Variants in ZCCHC4 observed in about 807,000 individuals in gnomAD.
ZCCHC4 encodes the protein zinc finger CCHC-type containing 4, also known as rRNA N(6)-adenosine-methyltransferase ZCCHC4.
In ZCCHC4, 54 loss-of-function variants were observed where a neutral mutation model predicts 67.7. The observed-to-expected ratio is 0.80, with a 90% CI of 0.64 to 1.00. The LOEUF is 1.00. ZCCHC4 is among the 50% of genes least tolerant of loss of function. The pLI is 0.00. For synonymous variants in ZCCHC4, 198 were observed against 213.5 expected, an observed-to-expected ratio of 0.93 and a Z score of 0.63; for missense variants, 609 against 617.0, an observed-to-expected ratio of 0.99 and a Z score of 0.14.
At position 25,351,647 on chromosome 4, in the gene ZCCHC4, A is replaced by T; in HGVS notation, c.969A>T (p.Arg323=). The T allele has an allele frequency of 6.2e-7, 1 of 1,612,314 alleles. No homozygotes were observed. Among genetic ancestry groups the T allele is most frequent in the South Asian group, 1.1e-5 (1 of 90,904 alleles). ...TTTTCCCCTATTTTTTTGAATCCCG[A>T]ATTTGTCAGTTTTTTCCAAGCTTCC... ...FWIFPYFFES[R]ICQFFPSFQM... is the part of the protein sequence containing the mutation. Residue 323 remains arginine, a synonymous_variant, in exon 8 of 13, where the codon CGA becomes CGT. Transcript: ENST00000302874.
At chr4:25,365,293 T>C in intron 12 of ZCCHC4, 127 bp downstream of exon 12, 1 of 1,469,106 alleles carries the variant, frequency 6.8e-7, no homozygotes, top group Non-Finnish European at 9.0e-7. Context: ...TATTAAGTAC[T>C]GGCTGCATAG....
chr4:25,339,978 C>T (rs1437505159), intron 5 of ZCCHC4, among the ~76,000 whole-genome samples: 3 of 151,960 alleles, frequency 2.0e-5, no homozygotes, highest in East Asian at 1.9e-4. Context: ...GCACCATTCT[C>T]CTGCCTCAGC....
chr4:25,343,547 C>T (rs188538819), intron 5 of ZCCHC4, among the ~76,000 whole-genome samples: 54 of 152,324 alleles, frequency 3.5e-4, no homozygotes, highest in African/African-American at 1.3e-3. Context: ...TTACATACAT[C>T]ATCTTATTGT....
At chr4:25,323,277 A>G (rs12642624) in intron 3 of ZCCHC4, among the ~76,000 whole-genome samples, 32,612 of 152,046 alleles carry the variant, frequency 0.21, 4,743 homozygotes, top group African/African-American at 0.41. Context: ...ACTTTGTTAC[A>G]GTTCATGTGG....
intron 8 of ZCCHC4, among the ~76,000 whole-genome samples, chr4:25,353,046 T>G (rs1720373058): frequency 6.6e-6 from 1 of 152,238 alleles, no homozygotes. Context: ...GAATTCTGCT[T>G]TCTTCATTAT....
Position 25,369,040 on chromosome 4 carries a change from A to G in ZCCHC4, c.1418A>G (p.Lys473Arg). Residue 473 changes from lysine (K) to arginine (R), a missense_variant, in exon 13 of 13, where the codon AAG becomes AGG. Coordinates refer to ENST00000302874, the MANE Select transcript of ZCCHC4 (RefSeq NM_024936.3). ...ACCTTGTTTTCCAGAGCTGTCAGAAAGCAGAAGCAAAGAAAAAGTAATAAG... is the reference window on the plus strand; with the variant it reads ...ACCTTGTTTTCCAGAGCTGTCAGAAGGCAGAAGCAAAGAAAAAGTAATAAG... Reference protein sequence around the residue: ...TSKRANKAVRKQKQRKSNKMK... With the variant: ...TSKRANKAVRRQKQRKSNKMK... 1 of 1,610,686 alleles carries G rather than the reference A, an allele frequency of 6.2e-7. No individual in the cohort carries two copies. Among genetic ancestry groups the G allele is most frequent in the African/African-American group, 1.3e-5 (1 of 74,736 alleles).
Position 25,345,582 on chromosome 4 carries a change from C to G in ZCCHC4, c.721C>G (p.His241Asp). ...GTTTTATATGGAAGATAGCTTTTGC[C>G]ATTATAATATGTTTAACCATCATTT... ...SQFYMEDSFCHYNMFNHHFFD... is the reference protein window; with the variant it reads ...SQFYMEDSFCDYNMFNHHFFD... The change falls in exon 6 of 13, where the codon CAT becomes GAT. Residue 241 changes from histidine to aspartate, a missense_variant. His to Asp is a moderately conservative substitution (Grantham distance 81). Coordinates refer to ENST00000302874, the MANE Select transcript of ZCCHC4 (RefSeq NM_024936.3). The G allele has an allele frequency of 6.4e-7, 1 of 1,569,246 alleles. No homozygotes were observed. The highest frequency in any genetic ancestry group is 8.7e-7 in the Non-Finnish European group (1 of 1,143,546).
In ZCCHC4 at chr4:25,349,613, T is replaced by C. The variant is rs1481224918; in HGVS notation, c.881T>C (p.Ile294Thr). ...EPLAITFKKL[I>T]AMWKEGQSQD... Reference sequence around the variant, plus strand: ...CTGGCTATTACATTCAAGAAGTTAATTGCTATGTGGAAAGAAGGTCAAAGC... The same window carrying C: ...CTGGCTATTACATTCAAGAAGTTAACTGCTATGTGGAAAGAAGGTCAAAGC... The change falls in exon 7 of 13, where the codon ATT (isoleucine) becomes ACT (threonine). Residue 294 changes from isoleucine to threonine, a missense_variant. Coordinates refer to ENST00000302874, the MANE Select transcript of ZCCHC4 (RefSeq NM_024936.3). 6.2e-7 allele frequency: 1 copy of C among 1,613,974 alleles called. No homozygotes were observed. Among genetic ancestry groups the C allele is most frequent in the Admixed American group, 1.7e-5 (1 of 59,998 alleles).
At chr4:25,320,832 G>A (rs1191455147) in intron 3 of ZCCHC4, among the ~76,000 whole-genome samples, 2 of 152,166 alleles carry the variant, frequency 1.3e-5, no homozygotes, top group African/African-American at 4.8e-5. Context: ...AATTGACAAG[G>A]CACAAAGATG....
intron 8 of ZCCHC4, among the ~76,000 whole-genome samples, chr4:25,360,041 C>T (rs1720663601): frequency 6.6e-6 from 1 of 152,214 alleles, no homozygotes; most frequent in Non-Finnish European, 1.5e-5. Context: ...GGAACTAGGA[C>T]AGTATCACTA....
intron 3 of ZCCHC4, among the ~76,000 whole-genome samples, chr4:25,332,208 C>G (rs749989801): frequency 2.0e-5 from 3 of 151,214 alleles, no homozygotes; most frequent in African/African-American, 7.3e-5. Context: ...CTTGGGAGGC[C>G]CAGGCAGGAG....
At chr4:25,320,436 G>A (rs1224556524) in intron 3 of ZCCHC4, among the ~76,000 whole-genome samples, 1 of 152,050 alleles carries the variant, frequency 6.6e-6, no homozygotes, top group Non-Finnish European at 1.5e-5. Flanking sequence ...AACATAATTT[G>A]TGTACTCCAG....
At chr4:25,336,300 G>A (rs948164082) in intron 5 of ZCCHC4, among the ~76,000 whole-genome samples, 2 of 152,130 alleles carry the variant, frequency 1.3e-5, no homozygotes, top group Non-Finnish European at 2.9e-5. Flanking sequence ...ACCCATGCAT[G>A]TAGCAGTACT....
rs1721090600 is a variant in ZCCHC4, at chr4:25,370,138, T to C, written c.*974T>C. Reference sequence around the variant, plus strand: ...ACTACGACTTGCTCTGTCATTCCAGTGTCGTTTAACCTATGCAGTAAGATT... The same window carrying C: ...ACTACGACTTGCTCTGTCATTCCAGCGTCGTTTAACCTATGCAGTAAGATT... On this transcript the variant is annotated 3_prime_UTR_variant, in exon 13 of 13. Coordinates refer to ENST00000302874, the MANE Select transcript of ZCCHC4 (RefSeq NM_024936.3). The C allele has an allele frequency of 6.6e-6, 1 of 152,188 alleles. No individual in the cohort carries two copies. The highest frequency in any genetic ancestry group is 1.5e-5 in the Non-Finnish European group (1 of 68,036). The allele number at this position is 152,188 out of a possible 1,614,324, so 9.4% of individuals were successfully genotyped here. A position where few individuals can be genotyped will look rare whatever the true frequency, so the allele number is the denominator to read the frequency against.
At chr4:25,366,469 C>T (rs887714284) in intron 12 of ZCCHC4, 17 of 186,408 alleles carry the variant, frequency 9.1e-5, no homozygotes, top group East Asian at 3.8e-4. Context: ...GCGCCTGCCA[C>T]CATGCCCGGC....
chr4:25,364,972 A>G, intron 11 of ZCCHC4, 50 bp from the exon 12 acceptor site: 1 of 1,608,682 alleles, frequency 6.2e-7, no homozygotes, highest in Non-Finnish European at 8.5e-7. Context: ...TAATAAGATG[A>G]AAAATTACGT....
rs1720899966 is a variant in ZCCHC4 at position 25,365,333 on chromosome 4, CAA to C, written c.1406+169_1406+170del. On this transcript the variant is annotated intron_variant, in intron 12 of 12. Transcript: ENST00000302874. ...ATGGAGGGAGGAGAGGAAGATGATT[CAA>C]AGAGCTTGCTTTCAAAGAGCTTACA... is the stretch of plus-strand genomic sequence containing the variant. 4 of 1,406,880 alleles carry C rather than the reference CAA, an allele frequency of 2.8e-6. No individual in the cohort carries two copies. The South Asian group carries it at 6.5e-5, about 23-fold the overall frequency. The allele number at this position is 1,406,880 out of a possible 1,614,324, so 87.1% of individuals were successfully genotyped here.
Position 25,333,348 on chromosome 4 carries a change from A to G in ZCCHC4, c.495A>G (p.Glu165=). 1 of 1,614,154 alleles carries G rather than the reference A, an allele frequency of 6.2e-7. No homozygotes were observed. Among genetic ancestry groups the G allele is most frequent in the Non-Finnish European group, 8.5e-7 (1 of 1,180,022 alleles). ...RRPSQLLYPL[E]NKKTNAQYLF... is the part of the protein sequence containing the mutation. ...CCAGTCAACTCCTTTATCCACTGGAAAACAAGAAGACAAATGCCCAGTATC... is the reference window on the plus strand; with the variant it reads ...CCAGTCAACTCCTTTATCCACTGGAGAACAAGAAGACAAATGCCCAGTATC... The change falls in exon 4 of 13, where the codon GAA becomes GAG. Residue 165 remains glutamate, a synonymous_variant. Coordinates refer to ENST00000302874, the MANE Select transcript of ZCCHC4 (RefSeq NM_024936.3).
At chr4:25,368,977 A>G in intron 12 of ZCCHC4, 52 bp from the exon 13 acceptor site, 1 of 1,566,004 alleles carries the variant, frequency 6.4e-7, no homozygotes, top group Admixed American at 2.1e-5. Context: ...CAACATAATT[A>G]CATAATTCAC....
Sources: gnomAD v4.1 joint callset for allele counts (sites outside exome capture counted in the v4.1 genomes callset) on GRCh38, gnomAD v4.1.1 for gene constraint, MANE v1.5 for transcripts, NCBI Gene and HGNC (gene_info 2026-07-23, HGNC 2026-07-21) for gene names.